The following TNPO2 variants were observed in gnomAD, a reference collection of about 807,000 sequenced individuals.
The protein encoded by TNPO2 is transportin-2.
A neutral mutation model predicts 111.1 loss-of-function variants in TNPO2; 16 were observed. That is an observed-to-expected ratio of 0.14 (90% CI 0.10 to 0.22). TNPO2 has a LOEUF of 0.22. Ranked by LOEUF, TNPO2 falls within the 10% of genes least tolerant of loss-of-function variation. TNPO2 has a pLI of 1.00. For synonymous variants in TNPO2, 481 were observed against 475.8 expected, an observed-to-expected ratio of 1.01 and a Z score of -0.14; for missense variants, 530 against 1,173.7, an observed-to-expected ratio of 0.45 and a Z score of 8.01.
chr19:12,714,260 C>T (rs912068026), intron 10 of TNPO2, among the ~76,000 whole-genome samples: 1 of 151,908 alleles, frequency 6.6e-6, no homozygotes, highest in Admixed American at 6.6e-5. Context: ...CTTTCACATC[C>T]TTTGAGCTCC....
intron 18 of TNPO2, among the ~76,000 whole-genome samples, chr19:12,704,241 C>T (rs187219604): frequency 1.3e-5 from 2 of 152,230 alleles, no homozygotes; most frequent in Admixed American, 6.5e-5. Context: ...TAGTGGGACA[C>T]GCCTGTAGTC....
rs1568332707 is a variant in TNPO2 at position 12,705,624 on chromosome 19, GA to G, written c.1756-26del. 6.3e-7 allele frequency: 1 copy of G among 1,582,196 alleles called. No homozygotes were observed. Among genetic ancestry groups the G allele is most frequent in the Admixed American group, 1.8e-5 (1 of 54,938 alleles). ...ACTGGCAGGGAGGAAGGCAGGTGGGGAGAACTCAGGCAGGGTGGGCAGGATG... is the reference window on the plus strand; with the variant it reads ...ACTGGCAGGGAGGAAGGCAGGTGGGGGAACTCAGGCAGGGTGGGCAGGATG... On this transcript the variant is annotated intron_variant, in intron 16 of 25. Coordinates refer to ENST00000425528, the MANE Select transcript of TNPO2 (RefSeq NM_001382241.1). This position sits in a 1 kb window ranked among gnomAD's most constrained non-coding sequence, Gnocchi z 7.2.
In TNPO2 at chr19:12,700,302, G is replaced by A. The variant is rs1332991769; in HGVS notation, c.*962C>T. On this transcript the variant is annotated 3_prime_UTR_variant, in exon 26 of 26. Transcript: ENST00000425528. ...GTGAGAAGGGGGTTTCAGAAGCACA[G>A]AGAAACGGACTGCCCCTGAAGCTGC... 6.6e-6 allele frequency: 1 copy of A among 152,196 alleles called. No individual in the cohort carries two copies. Among genetic ancestry groups the A allele is most frequent in the Non-Finnish European group, 1.5e-5 (1 of 68,066 alleles). The allele number at this position is 152,196 out of a possible 1,614,324, so 9.4% of individuals were successfully genotyped here.
In TNPO2 at chr19:12,705,177, T is replaced by A; in HGVS notation, c.2022+63A>T. The A allele has an allele frequency of 6.6e-7, 1 of 1,520,254 alleles. No homozygotes were observed. The highest frequency in any genetic ancestry group is 8.9e-7 in the Non-Finnish European group (1 of 1,119,840). 94.2% of individuals were successfully genotyped at this position (1,520,254 alleles called of 1,614,324 possible). On this transcript the variant is annotated intron_variant, in intron 18 of 25. Coordinates refer to ENST00000425528, the MANE Select transcript of TNPO2 (RefSeq NM_001382241.1). This position sits in a 1 kb window ranked among gnomAD's most constrained non-coding sequence, Gnocchi z 7.2. ...CCTTTGGGCACAACCAGGCCCTGAC[T>A]CCCCACCAGGGGCAGCCCACGCAGG...
chr19:12,706,358 G>A lies in TNPO2; in HGVS notation c.1506C>T (p.Ala502=), dbSNP rs770138211. The A allele has an allele frequency of 1.9e-6, 3 of 1,614,162 alleles. No individual in the cohort carries two copies. The Admixed American group carries it at 5.0e-5, about 27-fold the overall frequency. The change falls in exon 15 of 26, where the codon GCC becomes GCT. Residue 502 remains alanine, a synonymous_variant. Transcript: ENST00000425528. This position sits in a 1 kb window ranked among gnomAD's most constrained non-coding sequence, Gnocchi z 7.0. The part of the protein sequence containing the change: ...RVQEAACSAF[A]TLEEEACTEL... The stretch of plus-strand genomic sequence containing the variant: ...CCGTGCAGGCCTCTTCCTCCAGGGT[G>A]GCAAAAGCACTGGTGGGAGGGAGGA...
rs2025594164 is a variant in TNPO2, at chr19:12,705,472, AC to A, written c.1863+19del. 6.3e-7 allele frequency: 1 copy of A among 1,582,076 alleles called. No individual in the cohort carries two copies. The highest frequency in any genetic ancestry group is 1.3e-5 in the African/African-American group (1 of 74,260). On this transcript the variant is annotated intron_variant, in intron 17 of 25. Transcript: ENST00000425528. The surrounding 1 kb of genome is among the most constrained non-coding windows in gnomAD (Gnocchi z 7.2). ...GCAGGCCAATGCAGAAGCACAGGTG[AC>A]GGGCCTAGGGTTGCTCACCATGGCC...
chr19:12,713,089 G>C (rs1463885433), intron 10 of TNPO2, among the ~76,000 whole-genome samples: 1 of 152,198 alleles, frequency 6.6e-6, no homozygotes, highest in African/African-American at 2.4e-5. Flanking sequence ...CCACTCAGTG[G>C]ATTATAGACC....
chr19:12,720,812 C>G lies in TNPO2; in HGVS notation c.99+67G>C, dbSNP rs1014655800. 33 of 1,522,688 alleles carry G rather than the reference C, an allele frequency of 2.2e-5. No individual in the cohort carries two copies. In the African/African-American group the frequency reaches 3.9e-4, roughly 18 times the overall value. The allele number at this position is 1,522,688 out of a possible 1,614,324, so 94.3% of individuals were successfully genotyped here. On this transcript the variant is annotated intron_variant, in intron 3 of 25. Coordinates refer to ENST00000425528, the MANE Select transcript of TNPO2 (RefSeq NM_001382241.1). ...TAGGGGAGTCAGTCCCTCTCTTTCT[C>G]TCTCTGGCCTTTGGAAACTGCACGC...
rs762275181 is a variant in TNPO2, at chr19:12,715,592, C to T, written c.432+41G>A. The T allele has an allele frequency of 1.9e-6, 3 of 1,613,440 alleles. No individual in the cohort carries two copies. Among genetic ancestry groups the T allele is most frequent in the Non-Finnish European group, 2.5e-6 (3 of 1,179,496 alleles). On this transcript the variant is annotated intron_variant, in intron 6 of 25. Transcript: ENST00000425528. The surrounding 1 kb of genome is among the most constrained non-coding windows in gnomAD (Gnocchi z 7.1). ...GTGGGTGGTGGGTGGTGGTCCCAGCCCCCCAGTACTCGCTCTGGCCATCCA... is the reference window on the plus strand; with the variant it reads ...GTGGGTGGTGGGTGGTGGTCCCAGCTCCCCAGTACTCGCTCTGGCCATCCA...
intron 13 of TNPO2, 67 bp downstream of exon 13, chr19:12,710,554 G>C (rs2025976567): frequency 8.3e-6 from 13 of 1,558,424 alleles, no homozygotes; most frequent in Non-Finnish European, 1.1e-5. Flanking sequence ...GCATTGGTGT[G>C]GCTAGTAATG....
intron 10 of TNPO2, 42 bp downstream of exon 10, chr19:12,714,779 G>T: frequency 6.6e-7 from 1 of 1,523,426 alleles, no homozygotes; most frequent in Non-Finnish European, 9.1e-7. Flanking sequence ...CATAGCAAGG[G>T]GTCGAAGCTG....
At position 12,705,481 on chromosome 19, in the gene TNPO2, G is replaced by A. The variant is rs1340565563; in HGVS notation, c.1863+11C>T. Reference sequence around the variant, plus strand: ...TGCAGAAGCACAGGTGACGGGCCTAGGGTTGCTCACCATGGCCTGAGCCAG... The same window carrying A: ...TGCAGAAGCACAGGTGACGGGCCTAAGGTTGCTCACCATGGCCTGAGCCAG... On this transcript the variant is annotated intron_variant, in intron 17 of 25. Transcript: ENST00000425528. The surrounding 1 kb of genome is among the most constrained non-coding windows in gnomAD (Gnocchi z 7.2). The A allele has an allele frequency of 6.3e-7, 1 of 1,587,542 alleles. No individual in the cohort carries two copies. The highest frequency in any genetic ancestry group is 1.3e-5 in the African/African-American group (1 of 74,420).
chr19:12,708,871 C>T (rs1362452242), intron 13 of TNPO2, among the ~76,000 whole-genome samples: 1 of 149,420 alleles, frequency 6.7e-6, no homozygotes, highest in African/African-American at 2.5e-5. Flanking sequence ...AACTCCGTCT[C>T]AAAAAAAAAG....
At chr19:12,716,602 G>A (rs1313426668) in intron 5 of TNPO2, among the ~76,000 whole-genome samples, 1 of 151,874 alleles carries the variant, frequency 6.6e-6, no homozygotes, top group Non-Finnish European at 1.5e-5. Context: ...CTCCAGCCTG[G>A]GATGGAGCAA....
At position 12,721,228 on chromosome 19, in the gene TNPO2, G is replaced by C. The variant is rs1339891870; in HGVS notation, c.-13-238C>G. The C allele has an allele frequency of 7.5e-7, 1 of 1,329,364 alleles. No individual in the cohort carries two copies. The highest frequency in any genetic ancestry group is 3.6e-5 in the East Asian group (1 of 27,742). The allele number at this position is 1,329,364 out of a possible 1,614,324, so 82.3% of individuals were successfully genotyped here. ...GATGTGGAAACGGGCCACAGGCGGC[G>C]GCGGCGGGGCCCGGCGGATCCTCAT... On this transcript the variant is annotated intron_variant, in intron 2 of 25. Coordinates refer to ENST00000425528, the MANE Select transcript of TNPO2 (RefSeq NM_001382241.1). This position sits in a 1 kb window ranked among gnomAD's most constrained non-coding sequence, Gnocchi z 4.9.
At chr19:12,714,315 T>A (rs952249632) in intron 10 of TNPO2, among the ~76,000 whole-genome samples, 9 of 130,106 alleles carry the variant, frequency 6.9e-5, no homozygotes, top group Non-Finnish European at 9.4e-5. Context: ...TTTTCATTTC[T>A]TTTTTTTTTT....
At chr19:12,707,292 C>T (rs1277793523) in intron 13 of TNPO2, among the ~76,000 whole-genome samples, 2 of 152,146 alleles carry the variant, frequency 1.3e-5, no homozygotes, top group African/African-American at 4.8e-5. Flanking sequence ...CCACCGCGCC[C>T]AGCCAAAGAG....
chr19:12,702,712 G>T lies in TNPO2; in HGVS notation c.2305+111C>A. On this transcript the variant is annotated intron_variant, in intron 21 of 25. Coordinates refer to ENST00000425528, the MANE Select transcript of TNPO2 (RefSeq NM_001382241.1). This position sits in a 1 kb window ranked among gnomAD's most constrained non-coding sequence, Gnocchi z 5.5. ...CAGTGACCCCTTCCAGGTACTTCCA[G>T]ACACCCTCCTTGGTTCCTTGACAAG... is the stretch of plus-strand genomic sequence containing the variant. The T allele has an allele frequency of 1.0e-6, 1 of 987,786 alleles. No individual in the cohort carries two copies. The highest frequency in any genetic ancestry group is 1.4e-5 in the South Asian group (1 of 70,260). The allele number at this position is 987,786 out of a possible 1,614,324, so 61.2% of individuals were successfully genotyped here. A position where few individuals can be genotyped will look rare whatever the true frequency, so the allele number is the denominator to read the frequency against.
chr19:12,715,869 C>CTT lies in TNPO2; in HGVS notation c.326-132_326-131dup. On this transcript the variant is annotated intron_variant, in intron 5 of 25. Transcript: ENST00000425528. The surrounding 1 kb of genome is among the most constrained non-coding windows in gnomAD (Gnocchi z 7.1). ...ATGTACGCCCTCTACATCCCCCCTC[C>CTT]TTTTTTTTTTCTTTGTAAGAGATAG... 2.2e-5 allele frequency: 13 copies of CTT among 586,900 alleles called. No homozygotes were observed. Among genetic ancestry groups the CTT allele is most frequent in the Non-Finnish European group, 3.1e-5 (11 of 351,678 alleles). The allele number at this position is 586,900 out of a possible 1,614,324, so 36.4% of individuals were successfully genotyped here. A position where few individuals can be genotyped will look rare whatever the true frequency, so the allele number is the denominator to read the frequency against.
Sources: allele counts gnomAD v4.1 joint callset (sites outside exome capture counted in the v4.1 genomes callset), GRCh38; gene constraint gnomAD v4.1.1; non-coding constraint Gnocchi (gnomAD v3.1); transcripts MANE v1.5; gene names NCBI Gene and HGNC (gene_info 2026-07-23, HGNC 2026-07-21).